CHRM3: variants seen among roughly 807,000 people sequenced by gnomAD.
The protein encoded by CHRM3 is cholinergic receptor muscarinic 3.
Under a neutral mutation model 41.8 loss-of-function variants are expected in CHRM3, and 11 were observed. The ratio of observed to expected loss-of-function variants is 0.26; its 90% CI spans 0.17 to 0.44. The LOEUF (loss-of-function observed/expected upper bound fraction) is 0.44. Ranked by LOEUF, CHRM3 falls within the 20% of genes least tolerant of loss-of-function variation. The probability of loss-of-function intolerance (pLI) is 1.00; values close to 1 mark genes in which losing one functional copy is unlikely to be tolerated. For missense variants in CHRM3, 571 were observed against 745.4 expected, an observed-to-expected ratio of 0.77 and a Z score of 2.72; for synonymous variants, 297 against 301.4, an observed-to-expected ratio of 0.99 and a Z score of 0.15.
chr1:239,591,442 G>C (rs1664140737), intron 3 of CHRM3, among the ~76,000 whole-genome samples: 4 of 152,056 alleles, frequency 2.6e-5, no homozygotes, highest in Admixed American at 2.0e-4. Context: ...CTGCGCTTTT[G>C]TCTCTTATGT....
chr1:239,767,377 G>A (rs936726731), intron 5 of CHRM3, among the ~76,000 whole-genome samples: 7 of 152,112 alleles, frequency 4.6e-5, no homozygotes, highest in African/African-American at 1.7e-4. Context: ...AGGAGGGGAT[G>A]CAATTCAAAG....
At chr1:239,900,852 G>A (rs987712237) in intron 6 of CHRM3, among the ~76,000 whole-genome samples, 1 of 152,146 alleles carries the variant, frequency 6.6e-6, no homozygotes, top group Non-Finnish European at 1.5e-5. Flanking sequence ...TTAATCCATC[G>A]TATTCAGGCG....
chr1:239,832,645 G>A (rs1672986969), intron 6 of CHRM3, among the ~76,000 whole-genome samples: 2 of 152,060 alleles, frequency 1.3e-5, no homozygotes, highest in South Asian at 4.2e-4. Flanking sequence ...CTGCTCCATA[G>A]ACAGAGTAAC....
chr1:239,787,275 AT>A (rs1156310355), intron 5 of CHRM3, among the ~76,000 whole-genome samples: 1 of 152,272 alleles, frequency 6.6e-6, no homozygotes, highest in East Asian at 1.9e-4. Context: ...AACTCAGAAG[AT>A]GTCTGATATG....
chr1:239,441,181 G>A (rs1386964258), intron 1 of CHRM3, among the ~76,000 whole-genome samples: 1 of 152,168 alleles, frequency 6.6e-6, no homozygotes, highest in Non-Finnish European at 1.5e-5. Context: ...TAGATCTGAA[G>A]TGGAAAAAAT....
intron 1 of CHRM3, among the ~76,000 whole-genome samples, chr1:239,455,761 A>G (rs937705020): frequency 2.0e-5 from 3 of 152,212 alleles, no homozygotes; most frequent in Admixed American, 6.5e-5. Flanking sequence ...CAATAAGCTA[A>G]GGTTAATTTT....
chr1:239,545,384 G>A (rs1387584911), intron 2 of CHRM3, among the ~76,000 whole-genome samples: 1 of 152,030 alleles, frequency 6.6e-6, no homozygotes. Flanking sequence ...ACGCTACTTG[G>A]GTGATAGGTG....
At position 239,468,571 on chromosome 1, in the gene CHRM3, G is replaced by C. The variant is rs527836648; in HGVS notation, c.-520-24138G>C. On this transcript the variant is annotated intron_variant, in intron 1 of 6. Coordinates refer to ENST00000676153, the MANE Select transcript of CHRM3 (RefSeq NM_001375978.1). ...TGTTAACTTCTAGAAACAGCAGTCA[G>C]GTCTTTAAATTCTATGCTTTAGATG... Among the ~76,000 whole-genome samples the C allele has an allele frequency of 3.0e-4, 45 of 152,230 alleles. 1 individual carries two copies. In the South Asian group the frequency reaches 9.1e-3, roughly 31 times the overall value.
chr1:239,600,490 G>T (rs1665382914), intron 3 of CHRM3, among the ~76,000 whole-genome samples: 1 of 152,010 alleles, frequency 6.6e-6, no homozygotes, highest in Non-Finnish European at 1.5e-5. Flanking sequence ...GACATCTTTT[G>T]TTCCCAATGA....
intron 5 of CHRM3, among the ~76,000 whole-genome samples, chr1:239,720,490 G>A (rs1485404291): frequency 2.0e-5 from 3 of 151,904 alleles, no homozygotes; most frequent in African/African-American, 7.2e-5. Flanking sequence ...TAATGCTCTC[G>A]TGCCACTCAA....
intron 2 of CHRM3, among the ~76,000 whole-genome samples, chr1:239,528,832 G>T (rs1670174780): frequency 6.6e-6 from 1 of 152,052 alleles, no homozygotes; most frequent in Non-Finnish European, 1.5e-5. Context: ...GGCGGAAGTT[G>T]CAGTGAGCCG....
chr1:239,760,712 T>C (rs1666690439), intron 5 of CHRM3, among the ~76,000 whole-genome samples: 1 of 152,206 alleles, frequency 6.6e-6, no homozygotes, highest in Non-Finnish European at 1.5e-5. Flanking sequence ...GTTTGCATTG[T>C]CTCTGACCAG....
Position 239,899,822 on chromosome 1 carries a change from C to T in CHRM3, c.-19-7611C>T, listed in dbSNP as rs557987968. On this transcript the variant is annotated intron_variant, in intron 6 of 6. Coordinates refer to ENST00000676153, the MANE Select transcript of CHRM3 (RefSeq NM_001375978.1). ...CTGAGCTCTGGTGCCTGGAACACTT[C>T]AGTAACCATTCCCTGAATGTTGCAC... 7 of 152,332 alleles carry T rather than the reference C, an allele frequency of 4.6e-5. 1 individual carries two copies. The highest frequency in any genetic ancestry group is 4.6e-4 in the Admixed American group (7 of 15,296). The allele number at this position is 152,332 out of a possible 1,614,324, so 9.4% of individuals were successfully genotyped here.
intron 5 of CHRM3, among the ~76,000 whole-genome samples, chr1:239,684,093 T>C (rs1002747780): frequency 3.9e-5 from 6 of 152,168 alleles, no homozygotes; most frequent in Non-Finnish European, 8.8e-5. Flanking sequence ...TGGGAGAAGA[T>C]TTTTTAAACA....
chr1:239,450,102 C>T (rs1479766001), intron 1 of CHRM3, among the ~76,000 whole-genome samples: 3 of 152,174 alleles, frequency 2.0e-5, no homozygotes, highest in Non-Finnish European at 4.4e-5. Flanking sequence ...GCCCTTCCTC[C>T]TCCCCGTGAG....
At chr1:239,596,145 G>T (rs1664748843) in intron 3 of CHRM3, among the ~76,000 whole-genome samples, 1 of 152,112 alleles carries the variant, frequency 6.6e-6, no homozygotes, top group Non-Finnish European at 1.5e-5. Context: ...TCAATGTTGA[G>T]ATAACCTCTC....
At chr1:239,503,549 GA>G (rs962448179) in intron 2 of CHRM3, among the ~76,000 whole-genome samples, 7 of 150,830 alleles carry the variant, frequency 4.6e-5, no homozygotes, top group South Asian at 2.1e-4. Flanking sequence ...CACAGAATTA[GA>G]AAAAAAAATT....
intron 6 of CHRM3, among the ~76,000 whole-genome samples, chr1:239,892,361 A>G (rs1678625871): frequency 6.6e-6 from 1 of 152,184 alleles, no homozygotes; most frequent in Admixed American, 6.5e-5. Context: ...TGGTACTTTC[A>G]TTGAAATAAT....
chr1:239,670,348 G>A (rs1430810955), intron 4 of CHRM3, among the ~76,000 whole-genome samples: 5 of 151,750 alleles, frequency 3.3e-5, no homozygotes, highest in African/African-American at 4.8e-5. Context: ...TAAAATCATA[G>A]GTAAAATATT....
Sources: gnomAD v4.1 joint callset for allele counts (sites outside exome capture counted in the v4.1 genomes callset) on GRCh38, gnomAD v4.1.1 for gene constraint, MANE v1.5 for transcripts, NCBI Gene and HGNC (gene_info 2026-07-23, HGNC 2026-07-21) for gene names.